The following CNIH3 variants were observed in gnomAD, a reference collection of about 807,000 sequenced individuals.
CNIH3 encodes the protein cornichon family AMPA receptor auxiliary protein 3, also known as protein cornichon homolog 3.
A neutral mutation model predicts 24.1 loss-of-function variants in CNIH3; 14 were observed. That is an observed-to-expected ratio of 0.58 (90% CI 0.38 to 0.91). The LOEUF (loss-of-function observed/expected upper bound fraction) is 0.91, where lower values mean the gene tolerates loss of function less well. CNIH3 is among the 40% of genes least tolerant of loss of function. CNIH3 has a pLI of 0.00. For synonymous variants in CNIH3, 68 were observed against 73.8 expected (o/e 0.92, Z 0.40); for missense variants, 178 against 196.8 (o/e 0.90, Z 0.57).
chr1:224,623,324 C>T (rs919199180), intron 1 of CNIH3, among the ~76,000 whole-genome samples: 2 of 152,206 alleles, frequency 1.3e-5, no homozygotes, highest in Non-Finnish European at 2.9e-5. Flanking sequence ...CTGCTCTCCA[C>T]TGCTGCGTCC....
chr1:224,510,614 A>C (rs4654046), intron 1 of CNIH3, among the ~76,000 whole-genome samples: 1 of 149,338 alleles, frequency 6.7e-6, no homozygotes, highest in Non-Finnish European at 1.5e-5. Flanking sequence ...AAAAACAAAA[A>C]AAAAACAAAA....
chr1:224,569,241 T>A (rs1373429768), intron 4 of CNIH3, among the ~76,000 whole-genome samples: 3 of 152,262 alleles, frequency 2.0e-5, no homozygotes, highest in African/African-American at 7.2e-5. Flanking sequence ...TAGTTTTGAA[T>A]GTTGTTGGAC....
At chr1:224,622,427 A>G (rs1436351860) in intron 1 of CNIH3, among the ~76,000 whole-genome samples, 2 of 152,192 alleles carry the variant, frequency 1.3e-5, no homozygotes, top group Non-Finnish European at 1.5e-5. Flanking sequence ...GGATTGATGC[A>G]TGGCACCTTA....
chr1:224,570,472 T>A (rs1680770222), intron 4 of CNIH3, among the ~76,000 whole-genome samples: 1 of 152,248 alleles, frequency 6.6e-6, no homozygotes, highest in Non-Finnish European at 1.5e-5. Flanking sequence ...TCCAGCTGCA[T>A]CCATGTTGCC....
chr1:224,477,939 A>G (rs781283710), intron 1 of CNIH3, among the ~76,000 whole-genome samples: 2 of 152,092 alleles, frequency 1.3e-5, no homozygotes, highest in Non-Finnish European at 2.9e-5. Flanking sequence ...CAGATATACT[A>G]TTTTAGAGTA....
chr1:224,531,641 G>C (rs76822834), intron 2 of CNIH3, among the ~76,000 whole-genome samples: 1 of 152,190 alleles, frequency 6.6e-6, no homozygotes, highest in Non-Finnish European at 1.5e-5. Flanking sequence ...TAAGAGTAAC[G>C]GGAAGCAATA....
intron 2 of CNIH3, among the ~76,000 whole-genome samples, chr1:224,530,986 C>A (rs778189969): frequency 6.6e-6 from 1 of 152,132 alleles, no homozygotes; most frequent in Non-Finnish European, 1.5e-5. Context: ...TAAAATAAAG[C>A]TTTTCCTGGG....
At chr1:224,500,831 AC>A (rs1387226716) in intron 1 of CNIH3, among the ~76,000 whole-genome samples, 1 of 152,026 alleles carries the variant, frequency 6.6e-6, no homozygotes, top group East Asian at 1.9e-4. Context: ...ATTTCCCTTG[AC>A]CTCAAGACTC....
At chr1:224,618,159 C>T (rs1423208478) in intron 1 of CNIH3, among the ~76,000 whole-genome samples, 1 of 152,226 alleles carries the variant, frequency 6.6e-6, no homozygotes, top group Non-Finnish European at 1.5e-5. Context: ...CCGGTCCTCT[C>T]AAAGACTGTG....
At chr1:224,488,986 G>T (rs1463382549) in intron 1 of CNIH3, among the ~76,000 whole-genome samples, 1 of 152,006 alleles carries the variant, frequency 6.6e-6, no homozygotes, top group Non-Finnish European at 1.5e-5. Flanking sequence ...ATCATTTCAG[G>T]GTTGATCTTC....
chr1:224,713,972 AC>A, intron 3 of CNIH3, among the ~76,000 whole-genome samples: 1 of 151,942 alleles, frequency 6.6e-6, no homozygotes, highest in Non-Finnish European at 1.5e-5. Context: ...GCACCACCAC[AC>A]CCGGCTCATT....
chr1:224,527,724 AT>A (rs1220269882), intron 2 of CNIH3, among the ~76,000 whole-genome samples: 2 of 152,328 alleles, frequency 1.3e-5, no homozygotes, highest in Middle Eastern at 3.4e-3. Context: ...GTAAAAAAAA[AT>A]ATATTTGAGA....
chr1:224,687,085 A>G lies in CNIH3; in HGVS notation c.198+2242A>G, dbSNP rs1033294543. Among the ~76,000 whole-genome samples the G allele has an allele frequency of 3.9e-5, 6 of 152,200 alleles. No homozygotes were observed. In the East Asian group the frequency reaches 1.2e-3, roughly 29 times the overall value. On this transcript the variant is annotated intron_variant, in intron 3 of 5. Transcript: ENST00000272133. Reference sequence around the variant, plus strand: ...GGAGAAAAGGTAGGCATCAGAGGACATGAGACAGTGACTTCAAGACTTTAG... The same window carrying G: ...GGAGAAAAGGTAGGCATCAGAGGACGTGAGACAGTGACTTCAAGACTTTAG...
chr1:224,575,763 A>C (rs578209423), intron 4 of CNIH3, among the ~76,000 whole-genome samples: 4 of 152,170 alleles, frequency 2.6e-5, no homozygotes, highest in African/African-American at 9.6e-5. Context: ...AAAAAAAAAA[A>C]CTCACTGAAG....
chr1:224,663,365 G>A (rs1401835801), intron 1 of CNIH3, among the ~76,000 whole-genome samples: 1 of 152,156 alleles, frequency 6.6e-6, no homozygotes, highest in Non-Finnish European at 1.5e-5. Flanking sequence ...CTATGTCGAC[G>A]TATGCACAAT....
At chr1:224,567,626 G>T (rs1488205318) in intron 4 of CNIH3, among the ~76,000 whole-genome samples, 2 of 152,184 alleles carry the variant, frequency 1.3e-5, no homozygotes, top group Non-Finnish European at 2.9e-5. Flanking sequence ...ATGATGCAGA[G>T]CACCCAAACG....
At chr1:224,534,644 A>G (rs1553264043) in intron 2 of CNIH3, among the ~76,000 whole-genome samples, 1 of 152,224 alleles carries the variant, frequency 6.6e-6, no homozygotes, top group Non-Finnish European at 1.5e-5. Flanking sequence ...CAGAGAAAAC[A>G]TGGAAAAAAT....
At chr1:224,438,123 A>G (rs954982388) in intron 1 of CNIH3, among the ~76,000 whole-genome samples, 2 of 151,678 alleles carry the variant, frequency 1.3e-5, no homozygotes, top group Non-Finnish European at 2.9e-5. Flanking sequence ...ACGGGGTTTC[A>G]CCGTGTTAGC....
chr1:224,527,218 AG>A (rs1337633593), intron 2 of CNIH3, among the ~76,000 whole-genome samples: 2 of 152,168 alleles, frequency 1.3e-5, no homozygotes, highest in African/African-American at 4.8e-5. Flanking sequence ...CTTGCATACC[AG>A]GGGCTTGTAC....
Sources: gnomAD v4.1 joint callset for allele counts (sites outside exome capture counted in the v4.1 genomes callset) on GRCh38, gnomAD v4.1.1 for gene constraint, MANE v1.5 for transcripts, NCBI Gene and HGNC (gene_info 2026-07-23, HGNC 2026-07-21) for gene names.